Variants in INPP4B observed in about 807,000 individuals in gnomAD.
The protein encoded by INPP4B is inositol polyphosphate 4-phosphatase type II.
Under a neutral mutation model 122.5 loss-of-function variants are expected in INPP4B, and 55 were observed. That is an observed-to-expected ratio of 0.45 (90% CI 0.36 to 0.56). INPP4B has a LOEUF of 0.56. Ranked by LOEUF, INPP4B falls within the 20% of genes least tolerant of loss-of-function variation. The pLI is 0.00. For synonymous variants in INPP4B, 403 were observed against 388.7 expected (o/e 1.04, Z -0.43); for missense variants, 1,000 against 1,097.7 (o/e 0.91, Z 1.26).
chr4:142,093,770 G>A (rs1780613336), intron 23 of INPP4B, among the ~76,000 whole-genome samples: 1 of 152,088 alleles, frequency 6.6e-6, no homozygotes, highest in Non-Finnish European at 1.5e-5. Flanking sequence ...AATTTATGAA[G>A]AAGGCAATAC....
intron 1 of INPP4B, among the ~76,000 whole-genome samples, chr4:142,818,006 G>T (rs189964744): frequency 7.5e-4 from 114 of 152,166 alleles, no homozygotes; most frequent in African/African-American, 2.6e-3. Flanking sequence ...GAGGGAAAGA[G>T]AAAAATTGAG....
intron 2 of INPP4B, among the ~76,000 whole-genome samples, chr4:142,471,263 G>A (rs1818773817): frequency 6.6e-6 from 1 of 152,080 alleles, no homozygotes; most frequent in Admixed American, 6.5e-5. Flanking sequence ...CTATCTCACA[G>A]TAAGTGTTCA....
chr4:142,081,553 G>C (rs1191237597), intron 25 of INPP4B, among the ~76,000 whole-genome samples: 1 of 152,136 alleles, frequency 6.6e-6, no homozygotes, highest in Non-Finnish European at 1.5e-5. Context: ...TACTGACCCA[G>C]AGATTCTGTG....
At chr4:142,128,372 CACACACAT>C (rs1357062091) in intron 18 of INPP4B, among the ~76,000 whole-genome samples, 8 of 76,996 alleles carry the variant, frequency 1.0e-4, no homozygotes, top group Non-Finnish European at 1.7e-4. Context: ...CACACACACA[CACACACAT>C]ACACACACAT....
chr4:142,407,462 A>C (rs1210375746), intron 5 of INPP4B, among the ~76,000 whole-genome samples: 1 of 151,822 alleles, frequency 6.6e-6, no homozygotes, highest in Non-Finnish European at 1.5e-5. Context: ...TATCAGAGAG[A>C]CTCTCACCCT....
At chr4:142,028,972 A>ATTTG (rs1737982578) in intron 25 of INPP4B, 58 bp from the exon 26 acceptor site, 19 of 1,563,112 alleles carry the variant, frequency 1.2e-5, no homozygotes, top group Non-Finnish European at 1.6e-5. Context: ...AATATGCTTT[A>ATTTG]TTTGTTTAAT....
chr4:142,499,581 A>AT (rs1241862688), intron 2 of INPP4B, among the ~76,000 whole-genome samples: 1 of 152,112 alleles, frequency 6.6e-6, no homozygotes, highest in Non-Finnish European at 1.5e-5. Flanking sequence ...TTTACAAACT[A>AT]TTTTTTTGTC....
At chr4:142,042,528 A>G (rs563964947) in intron 25 of INPP4B, among the ~76,000 whole-genome samples, 7,992 of 33,306 alleles carry the variant, frequency 0.24, 248 homozygotes, top group Middle Eastern at 0.36. Flanking sequence ...GTATGTATGT[A>G]TGTATGTATG....
chr4:142,469,362 A>G (rs556292780), intron 2 of INPP4B, among the ~76,000 whole-genome samples: 25 of 152,242 alleles, frequency 1.6e-4, no homozygotes, highest in Non-Finnish European at 2.9e-4. Flanking sequence ...ATAAGAAGCT[A>G]TAAAGAGAAG....
intron 11 of INPP4B, among the ~76,000 whole-genome samples, chr4:142,253,620 C>A (rs2636630): frequency 0.54 from 81,948 of 152,148 alleles, 26,218 homozygotes; most frequent in Non-Finnish European, 0.7. Context: ...TCGGGTCAAT[C>A]CCACCCGAAT....
At chr4:142,295,053 G>A (rs1758076386) in intron 9 of INPP4B, among the ~76,000 whole-genome samples, 1 of 152,024 alleles carries the variant, frequency 6.6e-6, no homozygotes, top group Non-Finnish European at 1.5e-5. Context: ...GAGATTTCTA[G>A]CTTGGGCTAC....
At chr4:142,547,123 C>T (rs960550286) in intron 2 of INPP4B, among the ~76,000 whole-genome samples, 3 of 145,812 alleles carry the variant, frequency 2.1e-5, no homozygotes, top group Non-Finnish European at 4.5e-5. Flanking sequence ...TCTTCCTGAT[C>T]CCAGTGCTTT....
intron 18 of INPP4B, among the ~76,000 whole-genome samples, chr4:142,130,657 C>A (rs1049773158): frequency 6.6e-6 from 1 of 152,134 alleles, no homozygotes; most frequent in Non-Finnish European, 1.5e-5. Context: ...GCCTCAAAGG[C>A]CCTAAGGACA....
chr4:142,038,315 C>T (rs1745237329), intron 25 of INPP4B, among the ~76,000 whole-genome samples: 1 of 152,242 alleles, frequency 6.6e-6, no homozygotes, highest in South Asian at 2.1e-4. Flanking sequence ...TTTAAACTGT[C>T]TTCTCTTCTA....
chr4:142,684,221 G>A (rs1387102927), intron 2 of INPP4B, among the ~76,000 whole-genome samples: 2 of 152,132 alleles, frequency 1.3e-5, no homozygotes, highest in Admixed American at 1.3e-4. Flanking sequence ...CAGTATTTAG[G>A]TTTGCCAAGA....
chr4:142,361,543 G>A (rs1308810053), intron 7 of INPP4B, among the ~76,000 whole-genome samples: 7 of 151,936 alleles, frequency 4.6e-5, no homozygotes, highest in Non-Finnish European at 1.0e-4. Context: ...GAATATATAT[G>A]CTAAGGGCCT....
At position 142,270,755 on chromosome 4, in the gene INPP4B, C is replaced by T. The variant is rs760441984; in HGVS notation, c.523G>A (p.Val175Met). Reference protein sequence around the residue: ...LSLRTSDGGKVVGTIEVSVVK... With the variant: ...LSLRTSDGGKMVGTIEVSVVK... ...ACACTGACTTCTATGGTGCCAACCA[C>T]TTTGCCACCATCTGAAGTTCTGCAA... The change falls in exon 10 of 26, where the codon GTG becomes ATG. Residue 175 changes from valine to methionine, a missense_variant. Val to Met is a conservative substitution (Grantham distance 21, BLOSUM62 1). Transcript: ENST00000262992. 2.8e-5 allele frequency: 45 copies of T among 1,613,214 alleles called. 1 individual carries two copies. In the South Asian group the frequency reaches 4.8e-4, roughly 17 times the overall value.
intron 3 of INPP4B, among the ~76,000 whole-genome samples, chr4:142,447,088 G>C (rs1813068294): frequency 6.6e-6 from 1 of 152,196 alleles, no homozygotes; most frequent in African/African-American, 2.4e-5. Context: ...AGAGTCATGT[G>C]TTGAGAGGAA....
At chr4:142,104,095 CCTT>C (rs1785820076) in intron 23 of INPP4B, among the ~76,000 whole-genome samples, 1 of 152,020 alleles carries the variant, frequency 6.6e-6, no homozygotes, top group African/African-American at 2.4e-5. Context: ...ATGACAATAT[CCTT>C]CTTCTTTGTT....
Sources: allele counts gnomAD v4.1 joint callset (sites outside exome capture counted in the v4.1 genomes callset), GRCh38; gene constraint gnomAD v4.1.1; transcripts MANE v1.5; gene names NCBI Gene and HGNC (gene_info 2026-07-23, HGNC 2026-07-21).